The following SIPA1L1 variants were observed in gnomAD, a reference collection of about 807,000 sequenced individuals.
SIPA1L1 encodes signal-induced proliferation-associated 1-like protein 1.
Under a neutral mutation model 162.7 loss-of-function variants are expected in SIPA1L1, and 26 were observed. The observed-to-expected ratio is 0.16, with a 90% CI of 0.12 to 0.22. SIPA1L1 has a LOEUF of 0.22. SIPA1L1 is among the 10% of genes least tolerant of loss of function. The pLI, the probability that SIPA1L1 is intolerant of heterozygous loss-of-function variation, is 1.00. For synonymous variants in SIPA1L1, 829 were observed against 837.4 expected (o/e 0.99, Z 0.17); for missense variants, 1,874 against 2,241.0 (o/e 0.84, Z 3.31).
At chr14:71,479,432 G>C (rs536337547) in intron 2 of SIPA1L1, among the ~76,000 whole-genome samples, 3 of 151,980 alleles carry the variant, frequency 2.0e-5, no homozygotes, top group Non-Finnish European at 4.4e-5. Flanking sequence ...GTCTTGCTCT[G>C]TCACCCAGGC....
intron 2 of SIPA1L1, among the ~76,000 whole-genome samples, chr14:71,429,377 T>TA (rs1226248715): frequency 1.4e-5 from 2 of 144,538 alleles, no homozygotes; most frequent in Non-Finnish European, 1.5e-5. Context: ...AAACTTCACA[T>TA]AATTGCCATT....
At chr14:71,522,272 T>A (rs907918247) in intron 3 of SIPA1L1, among the ~76,000 whole-genome samples, 1 of 152,186 alleles carries the variant, frequency 6.6e-6, no homozygotes, top group Admixed American at 6.5e-5. Flanking sequence ...TATTTAGTGG[T>A]CAGTATTTTT....
At chr14:71,322,374 A>G (rs1332458169) in intron 2 of SIPA1L1, among the ~76,000 whole-genome samples, 3 of 152,208 alleles carry the variant, frequency 2.0e-5, no homozygotes, top group Admixed American at 6.5e-5. Flanking sequence ...CCAGTTTAGT[A>G]ATAATATTAG....
intron 2 of SIPA1L1, among the ~76,000 whole-genome samples, chr14:71,472,586 CA>C (rs763112322): frequency 9.9e-5 from 15 of 151,950 alleles, no homozygotes; most frequent in Non-Finnish European, 1.0e-4. Flanking sequence ...GACTAACAGT[CA>C]TTCAGGAGAC....
chr14:71,389,436 C>T (rs1053531693), intron 2 of SIPA1L1, among the ~76,000 whole-genome samples: 3 of 152,156 alleles, frequency 2.0e-5, no homozygotes, highest in Admixed American at 6.5e-5. Context: ...GATCATTGCT[C>T]AGAAAATCTT....
At chr14:71,613,317 C>T (rs1314347927) in intron 5 of SIPA1L1, among the ~76,000 whole-genome samples, 1 of 151,018 alleles carries the variant, frequency 6.6e-6, no homozygotes, top group African/African-American at 2.4e-5. Context: ...GACTAAGTGA[C>T]TTATCTTCTT....
At chr14:71,364,828 C>T (rs1172637261) in intron 2 of SIPA1L1, among the ~76,000 whole-genome samples, 6 of 151,942 alleles carry the variant, frequency 3.9e-5, no homozygotes, top group Non-Finnish European at 8.8e-5. Flanking sequence ...TCACTGCAAC[C>T]TCTGCCTCCT....
intron 8 of SIPA1L1, among the ~76,000 whole-genome samples, chr14:71,653,525 CT>C (rs1399051240): frequency 2.0e-5 from 3 of 152,132 alleles, no homozygotes. Flanking sequence ...TGGCTTCCCC[CT>C]TCAGTACCTT....
intron 2 of SIPA1L1, among the ~76,000 whole-genome samples, chr14:71,386,386 T>C (rs1239260005): frequency 6.6e-6 from 1 of 152,196 alleles, no homozygotes; most frequent in Non-Finnish European, 1.5e-5. Context: ...GCTGATTAGA[T>C]GGTGCCCACC....
At chr14:71,509,216 A>G (rs2050915663) in intron 2 of SIPA1L1, among the ~76,000 whole-genome samples, 1 of 152,106 alleles carries the variant, frequency 6.6e-6, no homozygotes, top group South Asian at 2.1e-4. Context: ...TATCATCTAT[A>G]TTGGGATTTC....
At chr14:71,530,846 T>C (rs1193726082) in intron 4 of SIPA1L1, among the ~76,000 whole-genome samples, 1 of 152,236 alleles carries the variant, frequency 6.6e-6, no homozygotes, top group East Asian at 1.9e-4. Flanking sequence ...TGAGTAAATG[T>C]AGATGCTATG....
At chr14:71,473,073 G>A (rs1433644523) in intron 2 of SIPA1L1, among the ~76,000 whole-genome samples, 1 of 151,904 alleles carries the variant, frequency 6.6e-6, no homozygotes, top group Non-Finnish European at 1.5e-5. Context: ...TATAATAATG[G>A]ATAACATGAA....
intron 4 of SIPA1L1, among the ~76,000 whole-genome samples, chr14:71,577,842 C>T (rs537071094): frequency 5.9e-4 from 89 of 150,820 alleles, no homozygotes; most frequent in African/African-American, 2.1e-3. Context: ...AGCAGCCCTG[C>T]CACCTCAGCC....
At chr14:71,328,133 T>C (rs1452999749) in intron 2 of SIPA1L1, among the ~76,000 whole-genome samples, 5 of 152,228 alleles carry the variant, frequency 3.3e-5, no homozygotes, top group Non-Finnish European at 7.3e-5. Context: ...GATGATCCTT[T>C]GTAACAGGAA....
chr14:71,589,799 T>C (rs752412504), intron 5 of SIPA1L1, among the ~76,000 whole-genome samples: 1 of 152,000 alleles, frequency 6.6e-6, no homozygotes, highest in Non-Finnish European at 1.5e-5. Flanking sequence ...ATTTCTTTGC[T>C]GCTTCAATGT....
intron 2 of SIPA1L1, among the ~76,000 whole-genome samples, chr14:71,362,120 T>C (rs2037869189): frequency 6.6e-6 from 1 of 152,224 alleles, no homozygotes; most frequent in Non-Finnish European, 1.5e-5. Context: ...GAGATGCTGC[T>C]GTGTTCAAGG....
chr14:71,741,205 G>A lies in SIPA1L1; in HGVS notation c.*2044G>A, dbSNP rs2085718368. The A allele has an allele frequency of 6.6e-6, 1 of 152,078 alleles. No individual in the cohort carries two copies. Among genetic ancestry groups the A allele is most frequent in the Admixed American group, 6.6e-5 (1 of 15,266 alleles). 9.4% of individuals were successfully genotyped at this position (152,078 alleles called of 1,614,324 possible). On this transcript the variant is annotated 3_prime_UTR_variant, in exon 24 of 24. Transcript: ENST00000381232. ...GAATGTTAATAAACTTTTTTACTCT[G>A]TCCACATGTCGATAGAGAATTACTA...
At chr14:71,699,456 T>C (rs1056270613) in intron 14 of SIPA1L1, among the ~76,000 whole-genome samples, 1 of 152,208 alleles carries the variant, frequency 6.6e-6, no homozygotes, top group African/African-American at 2.4e-5. Flanking sequence ...AAAACACCTG[T>C]ACAAGTTTTA....
chr14:71,585,214 A>G (rs1227645824), intron 4 of SIPA1L1, among the ~76,000 whole-genome samples: 2 of 151,960 alleles, frequency 1.3e-5, no homozygotes, highest in Non-Finnish European at 2.9e-5. Flanking sequence ...GAAGGTCCTT[A>G]TGACTGAAAA....
Sources: gnomAD v4.1 joint callset for allele counts (sites outside exome capture counted in the v4.1 genomes callset) on GRCh38, gnomAD v4.1.1 for gene constraint, MANE v1.5 for transcripts, NCBI Gene and HGNC (gene_info 2026-07-23, HGNC 2026-07-21) for gene names.